Variants in VIL1 observed in about 807,000 individuals in gnomAD.
The protein encoded by VIL1 is villin-1.
Under a neutral mutation model 104.0 loss-of-function variants are expected in VIL1, and 86 were observed. That is an observed-to-expected ratio of 0.83 (90% confidence interval 0.69 to 0.99). The LOEUF is 0.99. Among genes scored for constraint, VIL1 ranks in the 50% least tolerant of loss-of-function variants. The pLI is 0.00. For missense variants in VIL1, 944 were observed against 1,054.1 expected (o/e 0.90, Z 1.45); for synonymous variants, 394 against 412.6 (o/e 0.95, Z 0.55).
intron 19 of VIL1, among the ~76,000 whole-genome samples, chr2:218,446,850 G>A (rs1386245308): frequency 7.1e-6 from 1 of 141,696 alleles, no homozygotes; most frequent in Non-Finnish European, 1.5e-5. Context: ...TGCAATCTCC[G>A]CCTCCCAAGT....
At chr2:218,422,366 A>C (rs1172554200) in intron 1 of VIL1, among the ~76,000 whole-genome samples, 1 of 152,216 alleles carries the variant, frequency 6.6e-6, no homozygotes, top group African/African-American at 2.4e-5. Flanking sequence ...GTTCTGCTGG[A>C]CCAGGAATCC....
At position 218,440,842 on chromosome 2, in the gene VIL1, G is replaced by T; in HGVS notation, c.2350G>T (p.Val784Leu). 1 of 1,614,140 alleles carries T rather than the reference G, an allele frequency of 6.2e-7. No individual in the cohort carries two copies. ...NKPVEELPEG[V>L]DPSRKEEHLS... Reference sequence around the variant, plus strand: ...GCCTGTAGAGGAGCTCCCCGAGGGTGTGGACCCCAGCAGGAAGGAGGTAGG... The same window carrying T: ...GCCTGTAGAGGAGCTCCCCGAGGGTTTGGACCCCAGCAGGAAGGAGGTAGG... Residue 784 changes from valine to leucine, a missense_variant, in exon 19 of 20, where the codon GTG (valine) becomes TTG (leucine). Val to Leu is a conservative substitution (Grantham distance 32). Coordinates refer to ENST00000248444, the MANE Select transcript of VIL1 (RefSeq NM_007127.3).
In VIL1 at chr2:218,449,754, G is replaced by T; in HGVS notation, c.*418G>T. The T allele has an allele frequency of 5.7e-6, 1 of 175,238 alleles. No individual in the cohort carries two copies. Among genetic ancestry groups the T allele is most frequent in the Non-Finnish European group, 1.2e-5 (1 of 80,272 alleles). 10.9% of individuals were successfully genotyped at this position (175,238 alleles called of 1,614,324 possible). A position where few individuals can be genotyped will look rare whatever the true frequency, so the allele number is the denominator to read the frequency against. The stretch of plus-strand genomic sequence containing the variant: ...GGTTTACATCTTCCCCAGAGTAACA[G>T]CTTTTCCTTTTCACATATACTTTCC... On this transcript the variant is annotated 3_prime_UTR_variant, in exon 20 of 20. Transcript: ENST00000248444.
At chr2:218,422,982 G>A (rs947607381) in intron 1 of VIL1, among the ~76,000 whole-genome samples, 23 of 152,308 alleles carry the variant, frequency 1.5e-4, no homozygotes, top group African/African-American at 5.3e-4. Context: ...AAGCACCCAT[G>A]CCCAAGCCCC....
intron 6 of VIL1, 66 bp from the exon 7 acceptor site, chr2:218,429,219 G>A: frequency 6.5e-7 from 1 of 1,548,346 alleles, no homozygotes; most frequent in Non-Finnish European, 8.8e-7. Flanking sequence ...CTGGCAGGGT[G>A]TAGGGTGGCA....
chr2:218,429,428 G>A lies in VIL1; in HGVS notation c.711G>A (p.Lys237=), dbSNP rs753857082. ...NHVLGKRREL[K]AAVPDTVVEP... Reference sequence around the variant, plus strand: ...TGCTGGGCAAGCGCAGGGAGCTGAAGGCGGCCGTGCCCGACACGGTGGTGG... The same window carrying A: ...TGCTGGGCAAGCGCAGGGAGCTGAAAGCGGCCGTGCCCGACACGGTGGTGG... Residue 237 remains lysine (K), a synonymous_variant, in exon 7 of 20, where the codon AAG becomes AAA. Coordinates refer to ENST00000248444, the MANE Select transcript of VIL1 (RefSeq NM_007127.3). The A allele has an allele frequency of 6.2e-7, 1 of 1,614,080 alleles. No homozygotes were observed. Among genetic ancestry groups the A allele is most frequent in the East Asian group, 2.2e-5 (1 of 44,878 alleles).
chr2:218,431,980 G>C (rs776940552), intron 11 of VIL1, 23 bp downstream of exon 11: 2 of 1,614,020 alleles, frequency 1.2e-6, no homozygotes, highest in Admixed American at 1.7e-5. Flanking sequence ...AGAGAGGCCC[G>C]TGCTGGGTGG....
In VIL1 at chr2:218,424,283, C is replaced by T; in HGVS notation, c.82C>T (p.Gln28Ter). 1.9e-6 allele frequency: 3 copies of T among 1,614,026 alleles called. No homozygotes were observed. Among genetic ancestry groups the T allele is most frequent in the African/African-American group, 1.3e-5 (1 of 75,038 alleles). Residue 28 changes from glutamine to a stop codon, truncating the protein, a stop_gained, in exon 3 of 20, where the codon CAG becomes TAG. Transcript: ENST00000248444. LOFTEE classifies it high-confidence loss of function. ...GLQIWRIEAM[Q>*]MVPVPSSTFG... is the part of the protein sequence containing the mutation. ...ACCCTCTTTCTCTCCTTAGGCCATG[C>T]AGATGGTGCCTGTTCCTTCCAGCAC...
At chr2:218,444,384 A>AG (rs1381189816) in intron 19 of VIL1, among the ~76,000 whole-genome samples, 1 of 151,508 alleles carries the variant, frequency 6.6e-6, no homozygotes, top group African/African-American at 2.4e-5. Flanking sequence ...GGTTCACGCC[A>AG]TTCTCCTTCC....
chr2:218,440,596 G>A, intron 18 of VIL1, 126 bp from the exon 19 acceptor site: 1 of 1,116,596 alleles, frequency 9.0e-7, no homozygotes, highest in Non-Finnish European at 1.3e-6. Context: ...GTGTGTGTGT[G>A]GCAGGGTGGG....
Position 218,425,702 on chromosome 2 carries a change from A to G in VIL1, c.238A>G (p.Ile80Val), listed in dbSNP as rs1444397631. The G allele has an allele frequency of 1.9e-6, 3 of 1,614,090 alleles. No individual in the cohort carries two copies. The highest frequency in any genetic ancestry group is 2.5e-6 in the Non-Finnish European group (3 of 1,180,048). The change falls in exon 4 of 20, where the codon ATC (isoleucine) becomes GTC (valine). Residue 80 changes from isoleucine to valine, a missense_variant. Transcript: ENST00000248444. ...CCTGGATGAGCAGGGGGCAGCTGCCATCTACACCACACAGATGGATGACTT... is the reference window on the plus strand; with the variant it reads ...CCTGGATGAGCAGGGGGCAGCTGCCGTCTACACCACACAGATGGATGACTT... The part of the protein sequence containing the change: ...SSLDEQGAAA[I>V]YTTQMDDFLK...
chr2:218,430,986 G>A (rs184045560), intron 10 of VIL1, 108 bp downstream of exon 10: 2 of 1,414,594 alleles, frequency 1.4e-6, no homozygotes, highest in East Asian at 5.0e-5. Context: ...CTTCAACGAA[G>A]ACTTTTACGC....
chr2:218,429,225 T>G (rs1574813743), intron 6 of VIL1, 60 bp from the exon 7 acceptor site: 1 of 1,554,060 alleles, frequency 6.4e-7, no homozygotes. Context: ...GGGTGTAGGG[T>G]GGCAGACACT....
intron 11 of VIL1, 30 bp downstream of exon 11, chr2:218,431,987 G>A (rs2106392866): frequency 1.2e-6 from 2 of 1,614,052 alleles, no homozygotes; most frequent in Non-Finnish European, 1.7e-6. Context: ...CCCGTGCTGG[G>A]TGGAGCAGGA....
chr2:218,419,435 C>G (rs147882980), intron 1 of VIL1, among the ~76,000 whole-genome samples: 3 of 152,176 alleles, frequency 2.0e-5, no homozygotes, highest in Non-Finnish European at 2.9e-5. Flanking sequence ...TTGGGTGTCA[C>G]CATCCCAATT....
In VIL1 at chr2:218,429,925, A is replaced by C; in HGVS notation, c.926A>C (p.Lys309Thr). 7.3e-7 allele frequency: 1 copy of C among 1,361,276 alleles called. No individual in the cohort carries two copies. The highest frequency in any genetic ancestry group is 1.0e-6 in the Non-Finnish European group (1 of 997,372). 84.3% of individuals were successfully genotyped at this position (1,361,276 alleles called of 1,614,324 possible). The change falls in exon 9 of 20, where the codon AAG becomes ACG. Residue 309 changes from lysine to threonine, a missense_variant. Transcript: ENST00000248444. ...KGKKANEQEK[K>T]GAMSHALNFI... The stretch of plus-strand genomic sequence containing the variant: ...AAGAAAGCCAATGAGCAGGAGAAGA[A>C]GGGAGCCATGAGCCATGCGCTGGTA...
rs541502643 is a variant in VIL1, at chr2:218,450,970, A to G, written c.*1634A>G. On this transcript the variant is annotated 3_prime_UTR_variant, in exon 20 of 20. Transcript: ENST00000248444. ...TGAGACTGCCTGAAGTCTAGTAATCAAAGCATGCCATAAGGTGAATGATTG... is the reference window on the plus strand; with the variant it reads ...TGAGACTGCCTGAAGTCTAGTAATCGAAGCATGCCATAAGGTGAATGATTG... The G allele has an allele frequency of 1.6e-4, 24 of 152,368 alleles. No homozygotes were observed. Among genetic ancestry groups the G allele is most frequent in the Middle Eastern group, 6.8e-3 (2 of 294 alleles). The allele number at this position is 152,368 out of a possible 1,614,324, so 9.4% of individuals were successfully genotyped here. A position where few individuals can be genotyped will look rare whatever the true frequency, so the allele number is the denominator to read the frequency against.
At chr2:218,448,786 C>G (rs192629985) in intron 19 of VIL1, among the ~76,000 whole-genome samples, 44 of 152,140 alleles carry the variant, frequency 2.9e-4, no homozygotes, top group African/African-American at 9.9e-4. Flanking sequence ...GGGTGGATCA[C>G]TTGAGGTCAG....
intron 19 of VIL1, 128 bp downstream of exon 19, chr2:218,440,990 GC>G: frequency 9.2e-7 from 1 of 1,088,174 alleles, no homozygotes; most frequent in Non-Finnish European, 1.3e-6. Flanking sequence ...CTGCCTTCAT[GC>G]CACCTTATAT....
Sources: allele counts gnomAD v4.1 joint callset (sites outside exome capture counted in the v4.1 genomes callset), GRCh38; gene constraint gnomAD v4.1.1; transcripts MANE v1.5; gene names NCBI Gene and HGNC (gene_info 2026-07-23, HGNC 2026-07-21).